Variants in CA10 observed in about 807,000 individuals in gnomAD.
The protein encoded by CA10 is carbonic anhydrase-related protein 10.
CA10 carries 14 observed loss-of-function variants against 44.2 expected under a neutral mutation model. The observed-to-expected ratio is 0.32, with a 90% CI of 0.21 to 0.50. CA10 has a LOEUF of 0.50. CA10 is among the 20% of genes least tolerant of loss of function. The probability of loss-of-function intolerance (pLI) is 0.99; values close to 1 mark genes in which losing one functional copy is unlikely to be tolerated. For synonymous variants in CA10, 159 were observed against 141.6 expected, an observed-to-expected ratio of 1.12 and a Z score of -0.87; for missense variants, 350 against 409.7, an observed-to-expected ratio of 0.85 and a Z score of 1.26.
At chr17:51,904,436 G>A (rs1981453798) in intron 3 of CA10, among the ~76,000 whole-genome samples, 1 of 151,862 alleles carries the variant, frequency 6.6e-6, no homozygotes, top group African/African-American at 2.4e-5. Flanking sequence ...TCACAGCTTT[G>A]GGGCTGAATA....
At chr17:52,142,414 TA>T (rs1388213345) in intron 1 of CA10, among the ~76,000 whole-genome samples, 1 of 152,204 alleles carries the variant, frequency 6.6e-6, no homozygotes, top group East Asian at 1.9e-4. Flanking sequence ...AGATCACATT[TA>T]TTAAGCCATT....
At chr17:51,938,364 G>A (rs1308673583) in intron 2 of CA10, among the ~76,000 whole-genome samples, 2 of 152,050 alleles carry the variant, frequency 1.3e-5, no homozygotes, top group Non-Finnish European at 2.9e-5. Context: ...AAGGATCCAG[G>A]CAGAAGGGTA....
At chr17:52,075,774 T>A (rs928684022) in intron 1 of CA10, among the ~76,000 whole-genome samples, 1 of 152,122 alleles carries the variant, frequency 6.6e-6, no homozygotes, top group East Asian at 1.9e-4. Context: ...TTATAGTACT[T>A]ACATGTGCTA....
intron 1 of CA10, among the ~76,000 whole-genome samples, chr17:52,103,316 G>A (rs1035134609): frequency 6.6e-6 from 1 of 152,178 alleles, no homozygotes; most frequent in Non-Finnish European, 1.5e-5. Flanking sequence ...TCTGGCACTT[G>A]CTCCAGGATC....
intron 3 of CA10, among the ~76,000 whole-genome samples, chr17:51,839,086 A>C (rs904945062): frequency 6.6e-6 from 1 of 152,228 alleles, no homozygotes; most frequent in Non-Finnish European, 1.5e-5. Context: ...CAAATGCATA[A>C]AATCATGGTT....
At chr17:51,702,695 C>T (rs1030477714) in intron 4 of CA10, among the ~76,000 whole-genome samples, 3 of 152,100 alleles carry the variant, frequency 2.0e-5, no homozygotes, top group Admixed American at 2.0e-4. Flanking sequence ...TGGAAGGAAA[C>T]CAGAGGGAGG....
At chr17:51,939,543 G>A (rs1982996782) in intron 2 of CA10, among the ~76,000 whole-genome samples, 1 of 152,046 alleles carries the variant, frequency 6.6e-6, no homozygotes, top group African/African-American at 2.4e-5. Context: ...TCGGCAATGT[G>A]TGATGCATCC....
At chr17:51,880,519 C>A (rs1334466919) in intron 3 of CA10, among the ~76,000 whole-genome samples, 2 of 152,092 alleles carry the variant, frequency 1.3e-5, no homozygotes, top group Non-Finnish European at 2.9e-5. Flanking sequence ...CCAGGCTTGT[C>A]TTGAACTCCT....
At chr17:52,106,250 G>A (rs568452847) in intron 1 of CA10, among the ~76,000 whole-genome samples, 7 of 152,258 alleles carry the variant, frequency 4.6e-5, no homozygotes, top group Admixed American at 1.3e-4. Flanking sequence ...TCCTGACCAC[G>A]GGGCCATTCA....
rs138251206 is a variant in CA10, at chr17:51,903,036, G to C, written c.279+27954C>G. Among the ~76,000 whole-genome samples the C allele has an allele frequency of 6.4e-4, 97 of 152,252 alleles. No homozygotes were observed. The East Asian group carries it at 0.012, about 18-fold the overall frequency. On this transcript the variant is annotated intron_variant, in intron 3 of 8. Coordinates refer to ENST00000451037, the MANE Select transcript of CA10 (RefSeq NM_020178.5). ...GTTGCCATGCTTTGTGTTGAATTCC[G>C]GGGATGCACAGTTAATACAGACACA...
intron 2 of CA10, among the ~76,000 whole-genome samples, chr17:51,972,030 T>A (rs1984297879): frequency 6.6e-6 from 1 of 152,044 alleles, no homozygotes; most frequent in African/African-American, 2.4e-5. Context: ...TAATTTCAAA[T>A]ATCTTGCAGC....
rs71149386 is a variant in CA10 at position 51,959,282 on chromosome 17, C to CTGTGTG, written c.137-28156_137-28151dup. On this transcript the variant is annotated intron_variant, in intron 2 of 8. Transcript: ENST00000451037. Reference sequence around the variant, plus strand: ...TTGTTCTCTCTCTCGCTCTCTCTCTCTGTGTGTGTGTGTGTGTGTGTGTGT... The same window carrying CTGTGTG: ...TTGTTCTCTCTCTCGCTCTCTCTCTCTGTGTGTGTGTGTGTGTGTGTGTGTGTGTGT... 7.2e-4 allele frequency among the ~76,000 whole-genome samples: 97 copies of CTGTGTG among 134,432 alleles called. 2 individuals carry two copies. Among genetic ancestry groups the CTGTGTG allele is most frequent in the East Asian group, 2.4e-3 (11 of 4,602 alleles). The allele number at this position is 134,432 out of a possible 152,430, so 88.2% of individuals were successfully genotyped here.
chr17:51,861,787 T>C (rs958103758), intron 3 of CA10, among the ~76,000 whole-genome samples: 1 of 152,126 alleles, frequency 6.6e-6, no homozygotes, highest in Non-Finnish European at 1.5e-5. Context: ...AATGAATACA[T>C]ACACAGAAAA....
chr17:51,964,040 T>A (rs994994768), intron 2 of CA10, among the ~76,000 whole-genome samples: 10 of 151,702 alleles, frequency 6.6e-5, no homozygotes, highest in Non-Finnish European at 1.3e-4. Context: ...ATAAACACAC[T>A]CATAGGTTAA....
chr17:51,792,634 G>A (rs185784937), intron 3 of CA10, among the ~76,000 whole-genome samples: 5 of 152,156 alleles, frequency 3.3e-5, no homozygotes, highest in Admixed American at 1.3e-4. Context: ...TATTAATTAC[G>A]CTTTCATACA....
At chr17:51,970,969 G>T (rs73987334) in intron 2 of CA10, among the ~76,000 whole-genome samples, 3,335 of 152,078 alleles carry the variant, frequency 0.022, 129 homozygotes, top group African/African-American at 0.076. Flanking sequence ...GGGAAATATT[G>T]CCCTGACCAT....
chr17:51,711,256 C>T (rs757479594), intron 4 of CA10, among the ~76,000 whole-genome samples: 2 of 152,122 alleles, frequency 1.3e-5, no homozygotes, highest in Admixed American at 1.3e-4. Flanking sequence ...AGCAAAAACT[C>T]ATGACTCCTA....
intron 4 of CA10, among the ~76,000 whole-genome samples, chr17:51,730,135 C>G (rs1916665706): frequency 6.6e-6 from 1 of 152,158 alleles, no homozygotes; most frequent in South Asian, 2.1e-4. Flanking sequence ...ACAACATCAG[C>G]AAAGAAAGAC....
chr17:52,017,659 G>C (rs1986010247), intron 2 of CA10, among the ~76,000 whole-genome samples: 1 of 152,044 alleles, frequency 6.6e-6, no homozygotes, highest in African/African-American at 2.4e-5. Context: ...AGGACTGCAG[G>C]GTGTAAAAAT....
Sources: gnomAD v4.1 joint callset for allele counts (sites outside exome capture counted in the v4.1 genomes callset) on GRCh38, gnomAD v4.1.1 for gene constraint, MANE v1.5 for transcripts, NCBI Gene and HGNC (gene_info 2026-07-23, HGNC 2026-07-21) for gene names.